Variants in EDEM3 observed in about 807,000 individuals in gnomAD.
EDEM3 encodes the protein ER degradation enhancing alpha-mannosidase like protein 3.
Under a neutral mutation model 110.2 loss-of-function variants are expected in EDEM3, and 60 were observed. The ratio of observed to expected loss-of-function variants is 0.54; its 90% confidence interval spans 0.44 to 0.67. The LOEUF (loss-of-function observed/expected upper bound fraction) is 0.67, where lower values mean the gene tolerates loss of function less well. EDEM3 is among the 30% of genes least tolerant of loss of function. EDEM3 has a pLI of 0.00. For synonymous variants in EDEM3, 352 were observed against 382.9 expected (o/e 0.92, Z 0.94); for missense variants, 996 against 1,121.0 (o/e 0.89, Z 1.59).
intron 2 of EDEM3, among the ~76,000 whole-genome samples, chr1:184,748,389 G>A (rs139202125): frequency 0.015 from 2,235 of 151,772 alleles, 19 homozygotes; most frequent in Non-Finnish European, 0.023. Context: ...GGTGGCTGCA[G>A]TGAGCTGAGA....
At chr1:184,751,072 GAAT>G (rs1368995752) in intron 1 of EDEM3, among the ~76,000 whole-genome samples, 7 of 141,326 alleles carry the variant, frequency 5.0e-5, no homozygotes, top group East Asian at 2.2e-4. Flanking sequence ...GACAACATAT[GAAT>G]AATAACCACT....
intron 10 of EDEM3, 56 bp from the exon 11 acceptor site, chr1:184,719,301 A>T: frequency 2.0e-6 from 3 of 1,506,380 alleles, no homozygotes; most frequent in Non-Finnish European, 2.7e-6. Flanking sequence ...TTTTATCTCT[A>T]ATCATTACAT....
intron 12 of EDEM3, 89 bp downstream of exon 12, chr1:184,717,451 C>G: frequency 9.5e-7 from 1 of 1,048,890 alleles, no homozygotes; most frequent in Non-Finnish European, 1.4e-6. Context: ...AAAGGGGACT[C>G]TGAAAACCCA....
intron 19 of EDEM3, among the ~76,000 whole-genome samples, chr1:184,700,688 A>G (rs936936939): frequency 6.6e-6 from 1 of 151,958 alleles, no homozygotes. Context: ...GTTGATTCTG[A>G]TGCAGGGGAG....
chr1:184,714,371 G>C (rs1483261275), intron 13 of EDEM3, among the ~76,000 whole-genome samples: 1 of 152,218 alleles, frequency 6.6e-6, no homozygotes, highest in Non-Finnish European at 1.5e-5. Context: ...ATCTTACGCA[G>C]TTAGGGGACA....
chr1:184,739,476 T>C (rs1225240261), intron 2 of EDEM3, among the ~76,000 whole-genome samples: 2 of 151,664 alleles, frequency 1.3e-5, no homozygotes, highest in Admixed American at 1.3e-4. Flanking sequence ...TTTCCTTAAA[T>C]TTTACTGAAA....
chr1:184,753,231 GGAT>G (rs1318228136), intron 1 of EDEM3, among the ~76,000 whole-genome samples: 1 of 151,278 alleles, frequency 6.6e-6, no homozygotes. Flanking sequence ...AAAAAACATG[GGAT>G]GATACTATAC....
chr1:184,748,685 A>T (rs1381621424), intron 2 of EDEM3, among the ~76,000 whole-genome samples: 2 of 152,318 alleles, frequency 1.3e-5, no homozygotes, highest in East Asian at 3.9e-4. Context: ...ATATATTTAG[A>T]TGTTCATAGA....
At chr1:184,709,235 A>G (rs559504542) in intron 16 of EDEM3, among the ~76,000 whole-genome samples, 1 of 152,290 alleles carries the variant, frequency 6.6e-6, no homozygotes, top group South Asian at 2.1e-4. Flanking sequence ...AAGTTTGGAC[A>G]GATTGAGATT....
chr1:184,718,481 T>C (rs1416001231), intron 11 of EDEM3, among the ~76,000 whole-genome samples: 1 of 152,098 alleles, frequency 6.6e-6, no homozygotes, highest in Middle Eastern at 3.2e-3. Flanking sequence ...ACAAACACTT[T>C]AGGAACCCTT....
intron 18 of EDEM3, among the ~76,000 whole-genome samples, chr1:184,703,715 T>C (rs1452407625): frequency 6.6e-6 from 1 of 152,202 alleles, no homozygotes; most frequent in East Asian, 1.9e-4. Flanking sequence ...GGGTGCTCAC[T>C]CTCATAGGAC....
At chr1:184,712,311 G>T in intron 14 of EDEM3, 122 bp downstream of exon 14, 1 of 869,562 alleles carries the variant, frequency 1.2e-6, no homozygotes, top group Non-Finnish European at 1.7e-6. Context: ...ATAGGAAAAT[G>T]TATATATTTA....
Position 184,717,613 on chromosome 1 carries a change from G to A in EDEM3, c.1172C>T (p.Thr391Ile), listed in dbSNP as rs1196250399. The A allele has an allele frequency of 3.1e-6, 5 of 1,601,110 alleles. No homozygotes were observed. Among genetic ancestry groups the A allele is most frequent in the Non-Finnish European group, 4.3e-6 (5 of 1,175,134 alleles). ...KHNFLPEAFT[T>I]DFRVHWAQHP... ...TTGAGCCCAGTGTACTCTGAAATCT[G>A]TGGTAAATGCCTGAACAAAACAACA... Residue 391 changes from threonine (T) to isoleucine (I), a missense_variant, in exon 12 of 20, where the codon ACA becomes ATA. Thr to Ile is a moderately conservative substitution (Grantham distance 89). Transcript: ENST00000318130.
At position 184,745,928 on chromosome 1, in the gene EDEM3, A is replaced by T. The variant is rs1424354335; in HGVS notation, c.204+3619T>A. Among the ~76,000 whole-genome samples the T allele has an allele frequency of 2.6e-5, 4 of 152,316 alleles. No individual in the cohort carries two copies. The East Asian group carries it at 7.7e-4, about 29-fold the overall frequency. On this transcript the variant is annotated intron_variant, in intron 2 of 19. Coordinates refer to ENST00000318130, the MANE Select transcript of EDEM3 (RefSeq NM_025191.4). ...TGGCCCAAATACATGTCATTTTGTCATCTAAATTAATCTGCAAACTAAACT... is the reference window on the plus strand; with the variant it reads ...TGGCCCAAATACATGTCATTTTGTCTTCTAAATTAATCTGCAAACTAAACT...
At chr1:184,748,443 C>A in intron 2 of EDEM3, among the ~76,000 whole-genome samples, 1 of 134,472 alleles carries the variant, frequency 7.4e-6, no homozygotes. Context: ...AGCACAACTC[C>A]GTCTCAAAAA....
chr1:184,721,166 C>A (rs976677748), intron 9 of EDEM3, 123 bp downstream of exon 9: 6 of 745,530 alleles, frequency 8.0e-6, no homozygotes, highest in African/African-American at 1.9e-5. Flanking sequence ...TCAGGAAATA[C>A]TGACACAAAA....
intron 16 of EDEM3, 60 bp downstream of exon 16, chr1:184,710,334 C>G: frequency 6.5e-7 from 1 of 1,547,946 alleles, no homozygotes; most frequent in Admixed American, 1.8e-5. Flanking sequence ...CTTATTAAAG[C>G]TAATGCGACC....
intron 19 of EDEM3, among the ~76,000 whole-genome samples, chr1:184,699,376 T>C (rs1036731980): frequency 6.6e-6 from 1 of 151,674 alleles, no homozygotes; most frequent in African/African-American, 2.4e-5. Context: ...AAAAGGGCCA[T>C]GGGAGAGGAA....
intron 13 of EDEM3, among the ~76,000 whole-genome samples, chr1:184,714,101 A>G (rs920998674): frequency 3.9e-5 from 6 of 152,234 alleles, no homozygotes; most frequent in Non-Finnish European, 7.3e-5. Context: ...CAGTTATTAC[A>G]TGAGCAAATG....
Sources: allele counts gnomAD v4.1 joint callset (sites outside exome capture counted in the v4.1 genomes callset), GRCh38; gene constraint gnomAD v4.1.1; transcripts MANE v1.5; gene names NCBI Gene and HGNC (gene_info 2026-07-23, HGNC 2026-07-21).